TXLNB: variants seen among roughly 807,000 people sequenced by gnomAD.
The protein encoded by TXLNB is taxilin beta.
TXLNB carries 37 observed loss-of-function variants against 57.4 expected under a neutral mutation model. The observed-to-expected ratio is 0.64, with a 90% CI of 0.50 to 0.85. The LOEUF is 0.85. Ranked by LOEUF, TXLNB falls within the 40% of genes least tolerant of loss-of-function variation. The pLI is 0.00. For synonymous variants in TXLNB, 302 were observed against 309.6 expected (o/e 0.98, Z 0.26); for missense variants, 848 against 825.6 (o/e 1.03, Z -0.33).
In TXLNB at chr6:139,242,736, T is replaced by C; in HGVS notation, c.1845A>G (p.Pro615=). ...KPEAEASGQA[P]QAPTEASLQK... is the part of the protein sequence containing the mutation. ...GTAGGGAGGCCTCGGTGGGAGCCTG[T>C]GGGGCCTGACCGGAAGCTTCTGCCT... Residue 615 remains proline, a synonymous_variant, in exon 10 of 10, where the codon CCA becomes CCG. Coordinates refer to ENST00000358430, the MANE Select transcript of TXLNB (RefSeq NM_153235.4). 1.2e-6 allele frequency: 2 copies of C among 1,612,606 alleles called. No individual in the cohort carries two copies. The highest frequency in any genetic ancestry group is 1.3e-5 in the African/African-American group (1 of 74,582).
chr6:139,265,567 C>T (rs760876147), intron 4 of TXLNB, among the ~76,000 whole-genome samples: 1 of 152,182 alleles, frequency 6.6e-6, no homozygotes, highest in East Asian at 1.9e-4. Context: ...TCTTCCCAAG[C>T]TCCCAGCGCA....
At chr6:139,178,689 C>T in the TXLNB span, 1 of 152,042 alleles carries the variant, frequency 6.6e-6, no homozygotes, top group South Asian at 2.1e-4. Context: ...ATTCTCCTGT[C>T]CCAGCCTCCC....
chr6:139,316,012 G>C, the TXLNB span, among the ~76,000 whole-genome samples: 1 of 152,066 alleles, frequency 6.6e-6, no homozygotes. Context: ...AGTAATAATA[G>C]TAAAACTTCA....
the TXLNB span, among the ~76,000 whole-genome samples, chr6:139,210,742 G>A: frequency 1.3e-5 from 2 of 152,342 alleles, no homozygotes; most frequent in South Asian, 2.1e-4. Context: ...TCAAAGAAAG[G>A]GGTGACAGAT....
the TXLNB span, among the ~76,000 whole-genome samples, chr6:139,200,255 T>C: frequency 4.6e-4 from 70 of 152,292 alleles, no homozygotes; most frequent in East Asian, 0.013. Flanking sequence ...CTTCTGTTTC[T>C]CTATTTTCTC....
chr6:139,276,940 GA>G lies in TXLNB; in HGVS notation c.425-20del, dbSNP rs746524756. 7 of 1,559,520 alleles carry G rather than the reference GA, an allele frequency of 4.5e-6. No individual in the cohort carries two copies. The South Asian group carries it at 4.7e-5, about 10-fold the overall frequency. ...TCTTTGCCTTAAAAAAAAAAGACATGAAAAAAATAAGTGTTGAATTTACAGT... is the reference window on the plus strand; with the variant it reads ...TCTTTGCCTTAAAAAAAAAAGACATGAAAAAATAAGTGTTGAATTTACAGT... On this transcript the variant is annotated intron_variant, in intron 2 of 9. Coordinates refer to ENST00000358430, the MANE Select transcript of TXLNB (RefSeq NM_153235.4).
chr6:139,211,385 TC>T, the TXLNB span, among the ~76,000 whole-genome samples: 1 of 152,194 alleles, frequency 6.6e-6, no homozygotes, highest in Non-Finnish European at 1.5e-5. Flanking sequence ...GGAGTGGACT[TC>T]CAGTAAACTC....
At chr6:139,314,171 TAG>T in the TXLNB span, among the ~76,000 whole-genome samples, 14 of 152,330 alleles carry the variant, frequency 9.2e-5, no homozygotes, top group South Asian at 2.9e-3. Flanking sequence ...CTACATTCTG[TAG>T]AGAGTCTCCT....
intron 3 of TXLNB, among the ~76,000 whole-genome samples, chr6:139,276,154 C>T (rs2114589934): frequency 6.6e-6 from 1 of 152,282 alleles, no homozygotes; most frequent in South Asian, 2.1e-4. Flanking sequence ...TCATCCACTC[C>T]TATAGTATTC....
chr6:139,308,297 C>T, the TXLNB span, among the ~76,000 whole-genome samples: 1 of 152,180 alleles, frequency 6.6e-6, no homozygotes, highest in Non-Finnish European at 1.5e-5. Flanking sequence ...AGCGATACAA[C>T]TACCTGCCTG....
chr6:139,307,800 A>G, the TXLNB span, among the ~76,000 whole-genome samples: 1 of 152,204 alleles, frequency 6.6e-6, no homozygotes, highest in Admixed American at 6.5e-5. Context: ...CTTCATTATG[A>G]AAGACTAAGA....
intron 3 of TXLNB, 101 bp downstream of exon 3, chr6:139,276,729 T>C (rs1776905312): frequency 1.2e-6 from 1 of 863,764 alleles, no homozygotes. Context: ...TGTTGCTGTT[T>C]ACAATTCATT....
At chr6:139,195,969 CAT>C in the TXLNB span, among the ~76,000 whole-genome samples, 1 of 152,100 alleles carries the variant, frequency 6.6e-6, no homozygotes, top group Non-Finnish European at 1.5e-5. Flanking sequence ...AAGAATCCAA[CAT>C]ACTCTTCTAG....
intron 3 of TXLNB, 69 bp from the exon 4 acceptor site, chr6:139,270,695 C>G (rs1477170717): frequency 2.1e-6 from 3 of 1,398,628 alleles, no homozygotes; most frequent in Non-Finnish European, 2.0e-6. Flanking sequence ...AGAAAAAAAG[C>G]AAACCTAAAG....
the TXLNB span, among the ~76,000 whole-genome samples, chr6:139,224,584 C>T: frequency 1.7e-3 from 260 of 151,658 alleles, no homozygotes; most frequent in African/African-American, 6.1e-3. Flanking sequence ...GCAGATATTA[C>T]AAGATTTTTT....
chr6:139,219,622 A>T, the TXLNB span, among the ~76,000 whole-genome samples: 3 of 152,210 alleles, frequency 2.0e-5, no homozygotes, highest in Non-Finnish European at 4.4e-5. Flanking sequence ...CTGGGCTAAA[A>T]TAAGCAGGTT....
chr6:139,311,723 C>T, the TXLNB span, among the ~76,000 whole-genome samples: 16 of 152,166 alleles, frequency 1.1e-4, no homozygotes, highest in African/African-American at 2.9e-4. Flanking sequence ...AACAGGACCG[C>T]GTCGTCTGCA....
upstream of TXLNB, among the ~76,000 whole-genome samples, chr6:139,295,347 C>T (rs990055805): frequency 5.9e-5 from 9 of 152,138 alleles, no homozygotes; most frequent in South Asian, 2.1e-4. Flanking sequence ...GTCAAATCAA[C>T]GTTAAAAGAA....
chr6:139,289,370 C>T (rs572019303), intron 1 of TXLNB, among the ~76,000 whole-genome samples: 8 of 152,308 alleles, frequency 5.3e-5, no homozygotes, highest in Admixed American at 2.0e-4. Context: ...CTCACGTGCA[C>T]GCACTTAGAG....
Sources: allele counts gnomAD v4.1 joint callset (sites outside exome capture counted in the v4.1 genomes callset), GRCh38; gene constraint gnomAD v4.1.1; transcripts MANE v1.5; gene names NCBI Gene and HGNC (gene_info 2026-07-23, HGNC 2026-07-21).